Variants in USP6NL observed in about 807,000 individuals in gnomAD.
USP6NL encodes the protein USP6 N-terminal like.
Under a neutral mutation model 61.9 loss-of-function variants are expected in USP6NL, and 26 were observed. The observed-to-expected ratio is 0.42, with a 90% confidence interval of 0.31 to 0.58. USP6NL has a LOEUF of 0.58. USP6NL is among the 20% of genes least tolerant of loss of function. The pLI is 0.16. For missense variants in USP6NL, 1,114 were observed against 1,034.3 expected, an observed-to-expected ratio of 1.08 and a Z score of -1.06; for synonymous variants, 432 against 390.1, an observed-to-expected ratio of 1.11 and a Z score of -1.27.
chr10:11,601,502 G>A (rs1237592941), intron 1 of USP6NL, among the ~76,000 whole-genome samples: 1 of 152,124 alleles, frequency 6.6e-6, no homozygotes, highest in African/African-American at 2.4e-5. Context: ...CATTATGTCA[G>A]TCTTTATGTA....
intron 14 of USP6NL, among the ~76,000 whole-genome samples, chr10:11,472,915 T>C (rs920889929): frequency 2.0e-5 from 3 of 152,332 alleles, no homozygotes; most frequent in Non-Finnish European, 4.4e-5. Context: ...GCCACATAAA[T>C]TCAAGAGGTC....
chr10:11,555,433 A>AAAAAATAT (rs1275798295), intron 2 of USP6NL, among the ~76,000 whole-genome samples: 47 of 49,006 alleles, frequency 9.6e-4, no homozygotes, highest in Non-Finnish European at 1.3e-3. Flanking sequence ...AAAAAAAAAA[A>AAAAAATAT]ATATATATAT....
chr10:11,597,981 G>A lies in USP6NL; in HGVS notation c.-83-264C>T, dbSNP rs997810008. Among the ~76,000 whole-genome samples, 4 of 152,160 alleles carry A rather than the reference G, an allele frequency of 2.6e-5. No homozygotes were observed. The highest frequency in any genetic ancestry group is 9.7e-5 in the African/African-American group (4 of 41,432). On this transcript the variant is annotated intron_variant, in intron 1 of 14. Coordinates refer to ENST00000609104, the MANE Select transcript of USP6NL (RefSeq NM_014688.5). The surrounding 1 kb of genome is among the most constrained non-coding windows in gnomAD (Gnocchi z 4.6). ...ACCACATAGAAACTTACTAACAGGTGTCCTTCGTCTTCAACACTAAAAACA... is the reference window on the plus strand; with the variant it reads ...ACCACATAGAAACTTACTAACAGGTATCCTTCGTCTTCAACACTAAAAACA...
At position 11,489,144 on chromosome 10, in the gene USP6NL, C is replaced by A; in HGVS notation, c.622G>T (p.Ala208Ser). 6.2e-7 allele frequency: 1 copy of A among 1,613,918 alleles called. No individual in the cohort carries two copies. Among genetic ancestry groups the A allele is most frequent in the Non-Finnish European group, 8.5e-7 (1 of 1,179,846 alleles). Residue 208 changes from alanine to serine, a missense_variant, in exon 10 of 15, where the codon GCC becomes TCC. Transcript: ENST00000609104. The surrounding 1 kb of genome is among the most constrained non-coding windows in gnomAD (Gnocchi z 5.7). ...MYMNEEDAFW[A>S]LVKLFSGPKH... ...GGGCCTGAGAAGAGTTTGACCAGGG[C>A]CCAGAAGGCATCTTCCTCGTTCATA...
At chr10:11,605,940 A>C (rs1417872014) in intron 1 of USP6NL, among the ~76,000 whole-genome samples, 2 of 152,232 alleles carry the variant, frequency 1.3e-5, no homozygotes, top group Non-Finnish European at 2.9e-5. Context: ...GAGAATAGGG[A>C]AAAGCAGTAT....
rs545203569 is a variant in USP6NL, at chr10:11,607,862, G to C, written c.-84+3581C>G. On this transcript the variant is annotated intron_variant, in intron 1 of 14. Coordinates refer to ENST00000609104, the MANE Select transcript of USP6NL (RefSeq NM_014688.5). Reference sequence around the variant, plus strand: ...CTGACTCAATGAAAGGAAAATTCCAGGATAAAATTTTAAGTTTTTCTACAG... The same window carrying C: ...CTGACTCAATGAAAGGAAAATTCCACGATAAAATTTTAAGTTTTTCTACAG... Among the ~76,000 whole-genome samples the C allele has an allele frequency of 4.6e-5, 7 of 152,190 alleles. No homozygotes were observed. In the South Asian group the frequency reaches 1.5e-3, roughly 32 times the overall value.
rs1258965272 is a variant in USP6NL at position 11,487,455 on chromosome 10, T to C, written c.665-1544A>G. 1.3e-5 allele frequency among the ~76,000 whole-genome samples: 2 copies of C among 152,210 alleles called. No homozygotes were observed. Among genetic ancestry groups the C allele is most frequent in the Non-Finnish European group, 2.9e-5 (2 of 68,032 alleles). On this transcript the variant is annotated intron_variant, in intron 10 of 14. Coordinates refer to ENST00000609104, the MANE Select transcript of USP6NL (RefSeq NM_014688.5). This position sits in a 1 kb window ranked among gnomAD's most constrained non-coding sequence, Gnocchi z 4.2. ...GTCTAGTGACAATAATTGCTGAAGG[T>C]AAGCTATCAAATAGGTTTAAAAGAA...
chr10:11,497,254 G>GA (rs920461591), intron 7 of USP6NL, among the ~76,000 whole-genome samples: 9 of 150,068 alleles, frequency 6.0e-5, no homozygotes, highest in African/African-American at 1.5e-4. Context: ...CTAAAAATGT[G>GA]AAAAAAAATA....
intron 2 of USP6NL, among the ~76,000 whole-genome samples, chr10:11,538,155 T>C (rs1251155713): frequency 1.3e-5 from 2 of 152,224 alleles, no homozygotes; most frequent in East Asian, 3.8e-4. Flanking sequence ...ATTATTTGCT[T>C]CCTAATTTCT....
intron 1 of USP6NL, among the ~76,000 whole-genome samples, chr10:11,604,808 A>C (rs1340488629): frequency 6.6e-6 from 1 of 152,228 alleles, no homozygotes; most frequent in Non-Finnish European, 1.5e-5. Flanking sequence ...CTTCACAATC[A>C]GACCCTTCTA....
rs1838380942 is a variant in USP6NL at position 11,597,863 on chromosome 10, T to C, written c.-83-146A>G. The C allele has an allele frequency of 3.9e-6, 2 of 509,592 alleles. No homozygotes were observed. The highest frequency in any genetic ancestry group is 3.9e-5 in the African/African-American group (2 of 51,666). 31.6% of individuals were successfully genotyped at this position (509,592 alleles called of 1,614,324 possible). A position where few individuals can be genotyped will look rare whatever the true frequency, so the allele number is the denominator to read the frequency against. Reference sequence around the variant, plus strand: ...GTGATCACCTATTAAATATAAAAGATTATTAATCAACTTTTAGAATATCCT... The same window carrying C: ...GTGATCACCTATTAAATATAAAAGACTATTAATCAACTTTTAGAATATCCT... On this transcript the variant is annotated intron_variant, in intron 1 of 14. Coordinates refer to ENST00000609104, the MANE Select transcript of USP6NL (RefSeq NM_014688.5). This position sits in a 1 kb window ranked among gnomAD's most constrained non-coding sequence, Gnocchi z 4.6.
intron 2 of USP6NL, among the ~76,000 whole-genome samples, chr10:11,554,161 G>A (rs1372792722): frequency 6.6e-6 from 1 of 152,192 alleles, no homozygotes; most frequent in Middle Eastern, 3.2e-3. Context: ...AGAGAGCAGA[G>A]TACACACAGA....
chr10:11,549,427 T>C (rs932044096), intron 2 of USP6NL, among the ~76,000 whole-genome samples: 1 of 152,230 alleles, frequency 6.6e-6, no homozygotes, highest in Non-Finnish European at 1.5e-5. Context: ...TGTTCACAGA[T>C]ATCAACTCAT....
intron 2 of USP6NL, among the ~76,000 whole-genome samples, chr10:11,536,779 C>T (rs373146110): frequency 6.6e-6 from 1 of 152,234 alleles, no homozygotes; most frequent in Non-Finnish European, 1.5e-5. Flanking sequence ...CCACATTAAA[C>T]AAATGCCTTT....
intron 2 of USP6NL, among the ~76,000 whole-genome samples, chr10:11,542,226 G>A (rs534885556): frequency 6.6e-6 from 1 of 152,220 alleles, no homozygotes; most frequent in South Asian, 2.1e-4. Context: ...TAGCTATCAC[G>A]TAATACAAAG....
Position 11,460,676 on chromosome 10 carries a change from C to T in USP6NL, c.*1765G>A, listed in dbSNP as rs1254604265. The T allele has an allele frequency of 2.0e-5, 3 of 146,380 alleles. No individual in the cohort carries two copies. Among genetic ancestry groups the T allele is most frequent in the Non-Finnish European group, 4.5e-5 (3 of 66,752 alleles). 9.1% of individuals were successfully genotyped at this position (146,380 alleles called of 1,614,324 possible). On this transcript the variant is annotated 3_prime_UTR_variant, in exon 15 of 15. Coordinates refer to ENST00000609104, the MANE Select transcript of USP6NL (RefSeq NM_014688.5). ...ATATAAAAATCTACAGTATTTACCA[C>T]TGTTGATATATATATTTTGGAGCAG... is the stretch of plus-strand genomic sequence containing the variant.
chr10:11,572,341 G>A (rs1837394437), intron 2 of USP6NL, among the ~76,000 whole-genome samples: 1 of 151,964 alleles, frequency 6.6e-6, no homozygotes, highest in South Asian at 2.1e-4. Flanking sequence ...AAGGGGAGCA[G>A]AAATAAAGTA....
At chr10:11,549,330 T>TA (rs1374207815) in intron 2 of USP6NL, among the ~76,000 whole-genome samples, 4 of 152,200 alleles carry the variant, frequency 2.6e-5, no homozygotes, top group African/African-American at 9.6e-5. Context: ...CATTATATGA[T>TA]ATGTTCCAAA....
At chr10:11,475,364 T>G (rs930593366) in intron 14 of USP6NL, among the ~76,000 whole-genome samples, 2 of 151,140 alleles carry the variant, frequency 1.3e-5, no homozygotes. Context: ...TCCCAGCACT[T>G]AGGGATCACC....
Sources: gnomAD v4.1 joint callset for allele counts (sites outside exome capture counted in the v4.1 genomes callset) on GRCh38, gnomAD v4.1.1 for gene constraint, Gnocchi (gnomAD v3.1) non-coding constraint, MANE v1.5 for transcripts, NCBI Gene and HGNC (gene_info 2026-07-23, HGNC 2026-07-21) for gene names.